NDUFAF2: variants seen among roughly 807,000 people sequenced by gnomAD.
The protein encoded by NDUFAF2 is NADH:ubiquinone oxidoreductase complex assembly factor 2, also known as NADH dehydrogenase [ubiquinone] 1 alpha subcomplex assembly factor 2.
NDUFAF2 carries 13 observed loss-of-function variants against 22.8 expected under a neutral mutation model. That is an observed-to-expected ratio of 0.57 (90% CI 0.37 to 0.91). The LOEUF is 0.91. Ranked by LOEUF, NDUFAF2 falls within the 40% of genes least tolerant of loss-of-function variation. The probability of loss-of-function intolerance (pLI) is 0.01; values close to 1 mark genes in which losing one functional copy is unlikely to be tolerated. For synonymous variants in NDUFAF2, 53 were observed against 64.2 expected, an observed-to-expected ratio of 0.83 and a Z score of 0.84; for missense variants, 162 against 195.2, an observed-to-expected ratio of 0.83 and a Z score of 1.01.
chr5:60,979,482 G>A (rs532113033), intron 1 of NDUFAF2, among the ~76,000 whole-genome samples: 1 of 152,126 alleles, frequency 6.6e-6, no homozygotes, highest in Non-Finnish European at 1.5e-5. Context: ...TAAGCTGGCC[G>A]AAAAGCCCTT....
intron 1 of NDUFAF2, among the ~76,000 whole-genome samples, chr5:61,041,761 A>T (rs2111682537): frequency 6.6e-6 from 1 of 152,300 alleles, no homozygotes; most frequent in African/African-American, 2.4e-5. Flanking sequence ...CATTGTTCTT[A>T]GTTGGTAGGT....
intron 1 of NDUFAF2, among the ~76,000 whole-genome samples, chr5:60,966,870 T>C (rs1750764499): frequency 6.6e-6 from 1 of 152,134 alleles, no homozygotes; most frequent in African/African-American, 2.4e-5. Context: ...TTTTTCACTA[T>C]TTCTGTAAAA....
At chr5:61,123,709 A>C (rs535338356) in intron 3 of NDUFAF2, among the ~76,000 whole-genome samples, 176 of 152,308 alleles carry the variant, frequency 1.2e-3, no homozygotes, top group African/African-American at 4.0e-3. Context: ...CTAGCAAATT[A>C]ACTCCTGGAG....
In NDUFAF2 at chr5:60,971,578, C is replaced by T. The variant is rs567407549; in HGVS notation, c.127+26196C>T. Reference sequence around the variant, plus strand: ...CTGGGATTACAGGCGTGAGCCACCGCGCCCGGCATATCCCCTAATGCTATC... The same window carrying T: ...CTGGGATTACAGGCGTGAGCCACCGTGCCCGGCATATCCCCTAATGCTATC... On this transcript the variant is annotated intron_variant, in intron 1 of 3. Transcript: ENST00000296597. Among the ~76,000 whole-genome samples the T allele has an allele frequency of 3.0e-3, 454 of 152,086 alleles. 3 individuals carry two copies. Among genetic ancestry groups the T allele is most frequent in the Non-Finnish European group, 2.4e-3 (165 of 67,984 alleles).
chr5:60,991,931 A>G (rs1372858411), intron 1 of NDUFAF2, among the ~76,000 whole-genome samples: 3 of 152,144 alleles, frequency 2.0e-5, no homozygotes, highest in Non-Finnish European at 1.5e-5. Context: ...ACAAGGGTTC[A>G]TTCTTCTCCA....
At chr5:61,067,270 T>A (rs912977269) in intron 1 of NDUFAF2, among the ~76,000 whole-genome samples, 9 of 151,918 alleles carry the variant, frequency 5.9e-5, no homozygotes, top group Admixed American at 1.3e-4. Flanking sequence ...TAACTCGTCA[T>A]TTAGCATTAG....
In NDUFAF2 at chr5:60,959,620, G is replaced by A. The variant is rs1750658945; in HGVS notation, c.127+14238G>A. Among the ~76,000 whole-genome samples the A allele has an allele frequency of 3.9e-5, 6 of 152,166 alleles. No homozygotes were observed. In the South Asian group the frequency reaches 1.2e-3, roughly 32 times the overall value. ...CACCATGGGCATCATCAGATTGATA[G>A]AATATCCTAAAATATTTTGATTTTA... On this transcript the variant is annotated intron_variant, in intron 1 of 3. Coordinates refer to ENST00000296597, the MANE Select transcript of NDUFAF2 (RefSeq NM_174889.5).
At chr5:61,025,403 A>G (rs1751638092) in intron 1 of NDUFAF2, among the ~76,000 whole-genome samples, 1 of 152,128 alleles carries the variant, frequency 6.6e-6, no homozygotes, top group African/African-American at 2.4e-5. Flanking sequence ...GTTTATAAAA[A>G]CAAGTTAGTA....
chr5:61,122,938 G>A (rs941006332), intron 3 of NDUFAF2, among the ~76,000 whole-genome samples: 1 of 152,150 alleles, frequency 6.6e-6, no homozygotes, highest in African/African-American at 2.4e-5. Context: ...TTGGAAGTGT[G>A]AGAGGGTTAA....
At chr5:61,062,923 T>G (rs1405658575) in intron 1 of NDUFAF2, among the ~76,000 whole-genome samples, 1 of 152,036 alleles carries the variant, frequency 6.6e-6, no homozygotes, top group Non-Finnish European at 1.5e-5. Flanking sequence ...TCCAAAGAAA[T>G]AAACTGACAG....
intron 3 of NDUFAF2, among the ~76,000 whole-genome samples, chr5:61,102,669 A>C: frequency 6.6e-6 from 1 of 152,134 alleles, no homozygotes; most frequent in East Asian, 1.9e-4. Flanking sequence ...ATCAGAATTA[A>C]ATTCTAATGC....
intron 1 of NDUFAF2, among the ~76,000 whole-genome samples, chr5:61,009,437 A>T (rs1751415364): frequency 6.6e-6 from 1 of 152,082 alleles, no homozygotes; most frequent in Non-Finnish European, 1.5e-5. Context: ...ATCTCAAGAG[A>T]TTAATTCATT....
chr5:61,100,344 C>T (rs1157245467), intron 3 of NDUFAF2, among the ~76,000 whole-genome samples: 1 of 152,084 alleles, frequency 6.6e-6, no homozygotes, highest in Non-Finnish European at 1.5e-5. Context: ...AGTTGGGCCT[C>T]AGGCACAACT....
At chr5:61,081,226 G>GTT (rs1404441404) in intron 2 of NDUFAF2, among the ~76,000 whole-genome samples, 1 of 152,074 alleles carries the variant, frequency 6.6e-6, no homozygotes, top group Non-Finnish European at 1.5e-5. Flanking sequence ...CTGAGGCTTT[G>GTT]TAACAAGTCT....
At chr5:61,108,285 C>A (rs986300853) in intron 3 of NDUFAF2, among the ~76,000 whole-genome samples, 2 of 148,880 alleles carry the variant, frequency 1.3e-5, no homozygotes, top group Admixed American at 6.7e-5. Flanking sequence ...CACTGACTTC[C>A]ACAATGGTTG....
intron 2 of NDUFAF2, among the ~76,000 whole-genome samples, chr5:61,075,832 T>G (rs1223701030): frequency 6.6e-6 from 1 of 152,212 alleles, no homozygotes; most frequent in Non-Finnish European, 1.5e-5. Flanking sequence ...ATATTGTATT[T>G]GTCAATTTTA....
At chr5:61,096,672 A>G (rs563894230) in intron 2 of NDUFAF2, among the ~76,000 whole-genome samples, 52 of 151,696 alleles carry the variant, frequency 3.4e-4, no homozygotes, top group African/African-American at 1.2e-3. Flanking sequence ...GCTAATAGAA[A>G]CAGAATACAG....
intron 3 of NDUFAF2, among the ~76,000 whole-genome samples, chr5:61,136,082 TG>T (rs1162513866): frequency 5.2e-4 from 75 of 143,410 alleles, no homozygotes; most frequent in African/African-American, 1.9e-3. Flanking sequence ...TATCCCTGTT[TG>T]CAAACATTTA....
At chr5:61,134,973 A>G (rs185817509) in intron 3 of NDUFAF2, among the ~76,000 whole-genome samples, 1 of 152,118 alleles carries the variant, frequency 6.6e-6, no homozygotes, top group Non-Finnish European at 1.5e-5. Flanking sequence ...ATATTTAATA[A>G]TTTTCTTAGC....
Sources: gnomAD v4.1 joint callset for allele counts (sites outside exome capture counted in the v4.1 genomes callset) on GRCh38, gnomAD v4.1.1 for gene constraint, MANE v1.5 for transcripts, NCBI Gene and HGNC (gene_info 2026-07-23, HGNC 2026-07-21) for gene names.